Variants in DEPDC1B observed in about 807,000 individuals in gnomAD.
DEPDC1B encodes the protein DEP domain-containing protein 1B.
DEPDC1B carries 51 observed loss-of-function variants against 66.5 expected under a neutral mutation model. The observed-to-expected ratio is 0.77, with a 90% CI of 0.61 to 0.97. The LOEUF (loss-of-function observed/expected upper bound fraction) is 0.97, where lower values mean the gene tolerates loss of function less well. Ranked by LOEUF, DEPDC1B falls within the 50% of genes least tolerant of loss-of-function variation. DEPDC1B has a pLI of 0.00. For missense variants in DEPDC1B, 552 were observed against 637.1 expected, an observed-to-expected ratio of 0.87 and a Z score of 1.44; for synonymous variants, 226 against 223.6, an observed-to-expected ratio of 1.01 and a Z score of -0.10.
chr5:60,696,837 G>C (rs1256507896), intron 1 of DEPDC1B, among the ~76,000 whole-genome samples: 1 of 149,676 alleles, frequency 6.7e-6, no homozygotes, highest in Admixed American at 6.6e-5. Flanking sequence ...CTTTTCTCCA[G>C]GATATTCCAT....
chr5:60,668,141 ATATATATAAAATGGATAT>A (rs1459871412), intron 2 of DEPDC1B, among the ~76,000 whole-genome samples: 1,809 of 57,318 alleles, frequency 0.032, 289 homozygotes, highest in Admixed American at 0.045. Flanking sequence ...GATATTTTAT[ATATATATAAAATGGATAT>A]TATATATATA....
At chr5:60,688,954 C>T (rs1162586084) in intron 1 of DEPDC1B, 1 of 451,288 alleles carries the variant, frequency 2.2e-6, no homozygotes, top group South Asian at 1.6e-5. Context: ...TACATACTAA[C>T]TCACTGTAAT....
intron 2 of DEPDC1B, among the ~76,000 whole-genome samples, chr5:60,666,893 T>A (rs1281671056): frequency 1.3e-5 from 2 of 152,172 alleles, no homozygotes; most frequent in African/African-American, 4.8e-5. Flanking sequence ...AAAGAAGCCA[T>A]CTTAGAAGTA....
At chr5:60,648,930 C>A (rs1437126880) in intron 2 of DEPDC1B, among the ~76,000 whole-genome samples, 1 of 152,160 alleles carries the variant, frequency 6.6e-6, no homozygotes, top group Admixed American at 6.5e-5. Context: ...CATTTCCAGA[C>A]AAAGTACAGC....
At chr5:60,625,168 C>T (rs754214650) in intron 7 of DEPDC1B, among the ~76,000 whole-genome samples, 3 of 151,994 alleles carry the variant, frequency 2.0e-5, no homozygotes, top group Non-Finnish European at 2.9e-5. Context: ...GGGTTGGTTC[C>T]GAGTCTTTGC....
intron 7 of DEPDC1B, among the ~76,000 whole-genome samples, chr5:60,631,956 C>A (rs780518077): frequency 1.3e-5 from 2 of 152,218 alleles, no homozygotes; most frequent in Admixed American, 6.5e-5. Context: ...TCTCCCCATA[C>A]ACTAAACCCA....
At chr5:60,625,442 G>C (rs1042547955) in intron 7 of DEPDC1B, among the ~76,000 whole-genome samples, 1 of 152,082 alleles carries the variant, frequency 6.6e-6, no homozygotes, top group Non-Finnish European at 1.5e-5. Flanking sequence ...CATTCTAACT[G>C]GTGTGAGATT....
chr5:60,697,701 T>C (rs997041594), intron 1 of DEPDC1B, among the ~76,000 whole-genome samples: 4 of 152,248 alleles, frequency 2.6e-5, no homozygotes, highest in African/African-American at 7.2e-5. Context: ...TTTAATATTA[T>C]GTTCCTCAAA....
chr5:60,607,333 C>T (rs768883762), intron 7 of DEPDC1B, among the ~76,000 whole-genome samples: 2 of 152,166 alleles, frequency 1.3e-5, no homozygotes, highest in African/African-American at 2.4e-5. Context: ...AGACCAAGTG[C>T]TGATCCTAGA....
chr5:60,617,611 A>T (rs538860985), intron 7 of DEPDC1B, among the ~76,000 whole-genome samples: 4 of 152,346 alleles, frequency 2.6e-5, no homozygotes, highest in African/African-American at 7.2e-5. Context: ...ATATGCACCC[A>T]ATACAGGAGC....
chr5:60,658,849 C>G (rs1296867145), intron 2 of DEPDC1B, among the ~76,000 whole-genome samples: 2 of 152,160 alleles, frequency 1.3e-5, no homozygotes, highest in Non-Finnish European at 2.9e-5. Flanking sequence ...TTTGTTACGG[C>G]TCAAGCTGAG....
chr5:60,666,659 A>G lies in DEPDC1B; in HGVS notation c.315-19126T>C, dbSNP rs553306661. ...CAGCCATGGATACCAGCATCTGCTC[A>G]GGTGAGGGTAGCAGGGGAGTGAAGT... is the stretch of plus-strand genomic sequence containing the variant. On this transcript the variant is annotated intron_variant, in intron 2 of 10. Coordinates refer to ENST00000265036, the MANE Select transcript of DEPDC1B (RefSeq NM_018369.3). 3.3e-5 allele frequency among the ~76,000 whole-genome samples: 5 copies of G among 152,292 alleles called. No individual in the cohort carries two copies. In the East Asian group the frequency reaches 9.6e-4, roughly 29 times the overall value.
At position 60,700,158 on chromosome 5, in the gene DEPDC1B, G is replaced by C; in HGVS notation, c.-65C>G. On this transcript the variant is annotated 5_prime_UTR_variant, in exon 1 of 11. Coordinates refer to ENST00000265036, the MANE Select transcript of DEPDC1B (RefSeq NM_018369.3). ...ATCCCCGCCAGCCGGAGGAGCAGCA[G>C]TTTGAATCCCAAGCCCGCGGGCTGC... is the stretch of plus-strand genomic sequence containing the variant. The C allele has an allele frequency of 1.3e-6, 2 of 1,499,628 alleles. No individual in the cohort carries two copies. Among genetic ancestry groups the C allele is most frequent in the Middle Eastern group, 2.3e-4 (1 of 4,352 alleles). 92.9% of individuals were successfully genotyped at this position (1,499,628 alleles called of 1,614,324 possible). A position where few individuals can be genotyped will look rare whatever the true frequency, so the allele number is the denominator to read the frequency against.
At chr5:60,666,463 C>T (rs1459941671) in intron 2 of DEPDC1B, among the ~76,000 whole-genome samples, 1 of 152,128 alleles carries the variant, frequency 6.6e-6, no homozygotes, top group African/African-American at 2.4e-5. Context: ...CCCATAACAC[C>T]TCGATGTGGT....
At chr5:60,615,796 G>T (rs948557108) in intron 7 of DEPDC1B, among the ~76,000 whole-genome samples, 6 of 152,174 alleles carry the variant, frequency 3.9e-5, no homozygotes, top group African/African-American at 1.2e-4. Context: ...AGAGAGTAGT[G>T]GTTCTCCCAG....
In DEPDC1B at chr5:60,677,544, C is replaced by CT. The variant is rs532872320; in HGVS notation, c.314+9417dup. Among the ~76,000 whole-genome samples, 230 of 151,350 alleles carry CT rather than the reference C, an allele frequency of 1.5e-3. 1 individual carries two copies. The highest frequency in any genetic ancestry group is 3.4e-3 in the African/African-American group (139 of 41,244). On this transcript the variant is annotated intron_variant, in intron 2 of 10. Transcript: ENST00000265036. Reference sequence around the variant, plus strand: ...GTCATTTTTTTCTTTTTTATTTTTTCTTTTTTTTATGAGACAAGGTCTCTC... The same window carrying CT: ...GTCATTTTTTTCTTTTTTATTTTTTCTTTTTTTTTATGAGACAAGGTCTCTC...
At chr5:60,630,488 C>T (rs1280058396) in intron 7 of DEPDC1B, 4 of 152,230 alleles carry the variant, frequency 2.6e-5, no homozygotes, top group East Asian at 1.9e-4. Context: ...TGCACATCTG[C>T]AACAGGCACT....
intron 9 of DEPDC1B, among the ~76,000 whole-genome samples, chr5:60,600,157 G>A (rs1008519491): frequency 2.0e-5 from 3 of 152,094 alleles, no homozygotes; most frequent in Non-Finnish European, 2.9e-5. Context: ...GTAGTGGCAT[G>A]CATTTAGCTA....
chr5:60,611,267 TAATC>T (rs901675306), intron 7 of DEPDC1B, among the ~76,000 whole-genome samples: 7 of 152,218 alleles, frequency 4.6e-5, no homozygotes, highest in African/African-American at 1.7e-4. Flanking sequence ...ACTGTGAACT[TAATC>T]AACCAATGTG....
Sources: gnomAD v4.1 joint callset for allele counts (sites outside exome capture counted in the v4.1 genomes callset) on GRCh38, gnomAD v4.1.1 for gene constraint, MANE v1.5 for transcripts, NCBI Gene and HGNC (gene_info 2026-07-23, HGNC 2026-07-21) for gene names.